Variants in SLC8A3 observed in about 807,000 individuals in gnomAD.
The protein encoded by SLC8A3 is sodium/calcium exchanger 3.
Under a neutral mutation model 65.4 loss-of-function variants are expected in SLC8A3, and 37 were observed. The observed-to-expected ratio is 0.57, with a 90% confidence interval of 0.44 to 0.74. SLC8A3 has a LOEUF of 0.74. Among genes scored for constraint, SLC8A3 ranks in the 30% least tolerant of loss-of-function variants. The pLI, the probability that SLC8A3 is intolerant of heterozygous loss-of-function variation, is 0.00. For missense variants in SLC8A3, 1,112 were observed against 1,172.1 expected, an observed-to-expected ratio of 0.95 and a Z score of 0.75; for synonymous variants, 461 against 444.5, an observed-to-expected ratio of 1.04 and a Z score of -0.47.
At chr14:70,094,937 A>C (rs1165123517) in intron 2 of SLC8A3, among the ~76,000 whole-genome samples, 1 of 152,232 alleles carries the variant, frequency 6.6e-6, no homozygotes, top group African/African-American at 2.4e-5. Context: ...CAGTATTGCA[A>C]AGTGGCTAAA....
rs372548860 is a variant in SLC8A3 at position 70,067,470 on chromosome 14, G to C, written c.1785-6531C>G. ...CCTGCTTACTTCCAAGATCAAGCAAGTTCTTGTCTATCTGACTTGCTACAG... is the reference window on the plus strand; with the variant it reads ...CCTGCTTACTTCCAAGATCAAGCAACTTCTTGTCTATCTGACTTGCTACAG... On this transcript the variant is annotated intron_variant, in intron 2 of 6. Coordinates refer to ENST00000356921, the MANE Select transcript of SLC8A3 (RefSeq NM_182932.3). Among the ~76,000 whole-genome samples, 47 of 152,308 alleles carry C rather than the reference G, an allele frequency of 3.1e-4. No homozygotes were observed. The South Asian group carries it at 6.6e-3, about 21-fold the overall frequency.
chr14:70,053,650 T>C (rs750260140), intron 3 of SLC8A3, among the ~76,000 whole-genome samples: 1 of 152,234 alleles, frequency 6.6e-6, no homozygotes, highest in Non-Finnish European at 1.5e-5. Flanking sequence ...CCTATCAATC[T>C]AGCACTATAT....
At chr14:70,136,288 C>T (rs1354858229) in intron 2 of SLC8A3, among the ~76,000 whole-genome samples, 1 of 152,166 alleles carries the variant, frequency 6.6e-6, no homozygotes, top group African/African-American at 2.4e-5. Flanking sequence ...GCCCTGCCAG[C>T]ACCCGATTTT....
At chr14:70,146,415 A>G (rs1181494110) in intron 2 of SLC8A3, among the ~76,000 whole-genome samples, 3 of 152,122 alleles carry the variant, frequency 2.0e-5, no homozygotes, top group Non-Finnish European at 2.9e-5. Context: ...AACTCATCCA[A>G]TGCCTAGAAG....
chr14:70,088,078 T>C (rs946847511), intron 2 of SLC8A3, among the ~76,000 whole-genome samples: 1 of 152,112 alleles, frequency 6.6e-6, no homozygotes, highest in Admixed American at 6.6e-5. Flanking sequence ...TCATTGAGAA[T>C]ACAAAAGATT....
chr14:70,174,662 GTTTTTTTTT>G (rs10527244), intron 1 of SLC8A3, among the ~76,000 whole-genome samples: 12 of 66,516 alleles, frequency 1.8e-4, no homozygotes, highest in East Asian at 4.0e-4. Flanking sequence ...TTTTTTTTTT[GTTTTTTTTT>G]TTTTTTTTTT....
chr14:70,087,778 C>G (rs1409301406), intron 2 of SLC8A3, among the ~76,000 whole-genome samples: 3 of 152,154 alleles, frequency 2.0e-5, no homozygotes, highest in African/African-American at 7.2e-5. Flanking sequence ...TCCGTCATTT[C>G]TATTTTATAA....
chr14:70,141,366 A>G (rs1895562959), intron 2 of SLC8A3, among the ~76,000 whole-genome samples: 1 of 152,264 alleles, frequency 6.6e-6, no homozygotes, highest in Non-Finnish European at 1.5e-5. Flanking sequence ...GACATTAAAT[A>G]CATTTCTCAA....
At chr14:70,113,267 C>T (rs896586081) in intron 2 of SLC8A3, among the ~76,000 whole-genome samples, 5 of 152,150 alleles carry the variant, frequency 3.3e-5, no homozygotes, top group Non-Finnish European at 7.3e-5. Context: ...TAGCCTATTG[C>T]TCCTAGGTTA....
In SLC8A3 at chr14:70,177,441, A is replaced by G. The variant is rs78596613; in HGVS notation, c.-62-8957T>C. ...CACCAAAACAACTACCAGATTTTGA[A>G]GCATGTGCAAAGTGCCAAGAGATCA... On this transcript the variant is annotated intron_variant, in intron 1 of 6. Transcript: ENST00000356921. Among the ~76,000 whole-genome samples, 911 of 152,352 alleles carry G rather than the reference A, an allele frequency of 6.0e-3. 10 individuals are homozygous for G. The highest frequency in any genetic ancestry group is 0.021 in the African/African-American group (870 of 41,580).
intron 2 of SLC8A3, among the ~76,000 whole-genome samples, chr14:70,078,402 C>A (rs1460195455): frequency 6.6e-6 from 1 of 152,156 alleles, no homozygotes; most frequent in South Asian, 2.1e-4. Context: ...TTTGTTTAGA[C>A]AGCATTTTTT....
intron 5 of SLC8A3, among the ~76,000 whole-genome samples, 156 bp downstream of exon 5, chr14:70,050,852 C>T (rs1451158377): frequency 5.3e-5 from 8 of 152,122 alleles, no homozygotes. Flanking sequence ...TTCAGATACG[C>T]CATGATTCTT....
At chr14:70,157,631 C>T (rs1160648069) in intron 2 of SLC8A3, among the ~76,000 whole-genome samples, 1 of 152,110 alleles carries the variant, frequency 6.6e-6, no homozygotes, top group Non-Finnish European at 1.5e-5. Context: ...AGCAGAGATG[C>T]CAGGAGACAG....
rs1216671293 is a variant in SLC8A3, at chr14:70,045,550, G to A, written c.*397C>T. ...TCTTGTCAGCTGAGTGAGATAATAG[G>A]GACATATGGAATTGGGCAGAGAGGA... On this transcript the variant is annotated 3_prime_UTR_variant, in exon 7 of 7. Coordinates refer to ENST00000356921, the MANE Select transcript of SLC8A3 (RefSeq NM_182932.3). 1 of 166,684 alleles carries A rather than the reference G, an allele frequency of 6.0e-6. No individual in the cohort carries two copies. The highest frequency in any genetic ancestry group is 1.7e-4 in the East Asian group (1 of 5,846). The allele number at this position is 166,684 out of a possible 1,614,324, so 10.3% of individuals were successfully genotyped here.
intron 2 of SLC8A3, among the ~76,000 whole-genome samples, chr14:70,074,209 A>G (rs894190382): frequency 6.6e-6 from 1 of 152,192 alleles, no homozygotes; most frequent in Non-Finnish European, 1.5e-5. Flanking sequence ...TACTGTCCCC[A>G]TTTGGGGTGT....
At chr14:70,110,902 G>C (rs902500215) in intron 2 of SLC8A3, among the ~76,000 whole-genome samples, 9 of 151,806 alleles carry the variant, frequency 5.9e-5, no homozygotes, top group Non-Finnish European at 1.0e-4. Flanking sequence ...AGATGGTCTC[G>C]ATCTCCTGAC....
chr14:70,179,214 A>G (rs1177286996), intron 1 of SLC8A3, among the ~76,000 whole-genome samples: 1 of 151,592 alleles, frequency 6.6e-6, no homozygotes, highest in Non-Finnish European at 1.5e-5. Flanking sequence ...TCCCCCGCCC[A>G]TCTTATCTAA....
intron 2 of SLC8A3, among the ~76,000 whole-genome samples, chr14:70,121,396 A>G (rs1894040032): frequency 1.3e-5 from 2 of 152,206 alleles, no homozygotes; most frequent in East Asian, 1.9e-4. Context: ...TGTGGACACT[A>G]TTGAACTGGG....
chr14:70,131,357 G>A (rs926820816), intron 2 of SLC8A3, among the ~76,000 whole-genome samples: 34 of 152,226 alleles, frequency 2.2e-4, no homozygotes, highest in African/African-American at 8.0e-4. Context: ...CCTCTGCTAT[G>A]CTTTAGAATC....
Sources: gnomAD v4.1 joint callset for allele counts (sites outside exome capture counted in the v4.1 genomes callset) on GRCh38, gnomAD v4.1.1 for gene constraint, MANE v1.5 for transcripts, NCBI Gene and HGNC (gene_info 2026-07-23, HGNC 2026-07-21) for gene names.